TENM4: variants seen among roughly 807,000 people sequenced by gnomAD.
TENM4 encodes teneurin transmembrane protein 4, also known as teneurin-4.
In TENM4, 82 loss-of-function variants were observed where a neutral mutation model predicts 243.3. The observed-to-expected ratio is 0.34, with a 90% confidence interval of 0.28 to 0.40. The LOEUF is 0.40. Ranked by LOEUF, TENM4 falls within the 10% of genes least tolerant of loss-of-function variation. The pLI is 1.00. For synonymous variants in TENM4, 1,412 were observed against 1,456.3 expected, an observed-to-expected ratio of 0.97 and a Z score of 0.69; for missense variants, 3,138 against 3,673.3, an observed-to-expected ratio of 0.85 and a Z score of 3.77.
intron 10 of TENM4, 125 bp from the exon 11 acceptor site, chr11:78,856,303 G>C: frequency 1.2e-6 from 1 of 855,520 alleles, no homozygotes; most frequent in South Asian, 1.8e-5. Context: ...ATGTTCTGCT[G>C]TCAGCTTCCT....
chr11:78,913,657 A>G (rs1565123362), intron 6 of TENM4, among the ~76,000 whole-genome samples: 1 of 150,586 alleles, frequency 6.6e-6, no homozygotes, highest in Non-Finnish European at 1.5e-5. Context: ...TCAGCTCAAC[A>G]GGAGTCGGCA....
At chr11:78,931,922 A>G in intron 6 of TENM4, among the ~76,000 whole-genome samples, 1 of 152,272 alleles carries the variant, frequency 6.6e-6, no homozygotes, top group African/African-American at 2.4e-5. Flanking sequence ...GAGCCTACGA[A>G]TTTGAGGCTG....
At chr11:79,115,128 G>A (rs1448823866) in intron 4 of TENM4, among the ~76,000 whole-genome samples, 1 of 152,138 alleles carries the variant, frequency 6.6e-6, no homozygotes, top group Admixed American at 6.5e-5. Flanking sequence ...TGGTATGGGA[G>A]GCAAACTATT....
intron 3 of TENM4, among the ~76,000 whole-genome samples, chr11:79,177,689 G>A (rs905505473): frequency 2.6e-5 from 4 of 152,160 alleles, no homozygotes; most frequent in Non-Finnish European, 4.4e-5. Flanking sequence ...GAACCTGAAG[G>A]GAATGGGGCA....
intron 9 of TENM4, among the ~76,000 whole-genome samples, chr11:78,881,899 TGAGAACAACC>T (rs1855439902): frequency 6.6e-6 from 1 of 152,220 alleles, no homozygotes; most frequent in African/African-American, 2.4e-5. Context: ...CCTGTTATAA[TGAGAACAACC>T]TATATATATC....
At chr11:78,754,204 A>G (rs1856252934) in intron 19 of TENM4, among the ~76,000 whole-genome samples, 1 of 152,204 alleles carries the variant, frequency 6.6e-6, no homozygotes, top group Non-Finnish European at 1.5e-5. Context: ...ATGTATCTAG[A>G]GCGGCAGAGC....
At position 78,750,681 on chromosome 11, in the gene TENM4, T is replaced by C. The variant is rs192266081; in HGVS notation, c.2756+6124A>G. ...CACTCAGCAGGGACTGGCTAATTCA[T>C]TGATTTATTCTATCATTCACTGTGG... On this transcript the variant is annotated intron_variant, in intron 19 of 33. Transcript: ENST00000278550. 7.3e-4 allele frequency among the ~76,000 whole-genome samples: 111 copies of C among 152,258 alleles called. 4 individuals are homozygous for C. Among genetic ancestry groups the C allele is most frequent in the African/African-American group, 2.3e-3 (96 of 41,558 alleles).
chr11:78,948,936 G>C (rs1234817058), intron 6 of TENM4, among the ~76,000 whole-genome samples: 1 of 152,188 alleles, frequency 6.6e-6, no homozygotes, highest in Non-Finnish European at 1.5e-5. Context: ...CCTCATGTGT[G>C]ATGAGACGTA....
intron 4 of TENM4, among the ~76,000 whole-genome samples, chr11:79,102,693 T>A (rs1861265646): frequency 6.6e-6 from 1 of 152,212 alleles, no homozygotes. Context: ...CAAGTGATCT[T>A]TCCAAAGCAA....
At chr11:78,952,206 A>G (rs1166770560) in intron 6 of TENM4, among the ~76,000 whole-genome samples, 1 of 151,964 alleles carries the variant, frequency 6.6e-6, no homozygotes, top group African/African-American at 2.4e-5. Flanking sequence ...CCTCCATATC[A>G]CTCGAAATCA....
chr11:78,700,799 G>A (rs1259639200), intron 28 of TENM4, among the ~76,000 whole-genome samples: 1 of 152,152 alleles, frequency 6.6e-6, no homozygotes, highest in Admixed American at 6.5e-5. Context: ...AGGAGGCAGA[G>A]AAACCTACCC....
chr11:78,976,802 T>A (rs1343296404), intron 6 of TENM4, among the ~76,000 whole-genome samples: 1 of 152,174 alleles, frequency 6.6e-6, no homozygotes, highest in African/African-American at 2.4e-5. Context: ...AAACAAACTT[T>A]TTTTTTGATC....
chr11:79,096,051 C>T (rs1170259119), intron 4 of TENM4: 1 of 152,224 alleles, frequency 6.6e-6, no homozygotes, highest in Non-Finnish European at 1.5e-5. Context: ...ACAGAAGTTA[C>T]AAGTGTGGAT....
At chr11:79,325,150 A>G (rs1856953307) in intron 1 of TENM4, among the ~76,000 whole-genome samples, 1 of 152,208 alleles carries the variant, frequency 6.6e-6, no homozygotes, top group Admixed American at 6.5e-5. Context: ...AAGGCTGGCA[A>G]TGGCATCTTT....
chr11:79,140,386 C>A (rs745508977), intron 4 of TENM4, among the ~76,000 whole-genome samples: 1 of 152,106 alleles, frequency 6.6e-6, no homozygotes, highest in Non-Finnish European at 1.5e-5. Flanking sequence ...CTAAGCCTCA[C>A]CTATTTACCT....
At chr11:79,046,503 C>T (rs923993388) in intron 6 of TENM4, among the ~76,000 whole-genome samples, 3 of 152,106 alleles carry the variant, frequency 2.0e-5, no homozygotes, top group African/African-American at 7.2e-5. Flanking sequence ...CAGATGTGAC[C>T]TTATTTGGAA....
intron 2 of TENM4, among the ~76,000 whole-genome samples, chr11:79,245,206 C>T (rs1470727502): frequency 1.3e-5 from 2 of 152,140 alleles, no homozygotes; most frequent in Non-Finnish European, 2.9e-5. Flanking sequence ...TAGCAGAAGC[C>T]CTGCAGCCAT....
chr11:78,746,456 C>T (rs1443413475), intron 19 of TENM4, among the ~76,000 whole-genome samples: 1 of 152,270 alleles, frequency 6.6e-6, no homozygotes, highest in African/African-American at 2.4e-5. Flanking sequence ...CAGAATCAAT[C>T]TGTCAAGGCT....
At chr11:79,052,135 C>A (rs763306894) in intron 6 of TENM4, among the ~76,000 whole-genome samples, 4 of 152,146 alleles carry the variant, frequency 2.6e-5, no homozygotes, top group Non-Finnish European at 5.9e-5. Flanking sequence ...TGGGTATATA[C>A]CCAGTAATGG....
Sources: gnomAD v4.1 joint callset for allele counts (sites outside exome capture counted in the v4.1 genomes callset) on GRCh38, gnomAD v4.1.1 for gene constraint, MANE v1.5 for transcripts, NCBI Gene and HGNC (gene_info 2026-07-23, HGNC 2026-07-21) for gene names.